GREB1L: variants seen among roughly 807,000 people sequenced by gnomAD.
The protein encoded by GREB1L is GREB1-like protein.
GREB1L carries 17 observed loss-of-function variants against 200.8 expected under a neutral mutation model. The ratio of observed to expected loss-of-function variants is 0.08; its 90% CI spans 0.06 to 0.13. The LOEUF is 0.13. GREB1L is among the 10% of genes least tolerant of loss of function. The pLI is 1.00. For synonymous variants in GREB1L, 789 were observed against 893.0 expected (o/e 0.88, Z 2.08); for missense variants, 1,657 against 2,367.7 (o/e 0.70, Z 6.23).
chr18:21,248,443 T>A (rs2037643045), intron 1 of GREB1L, among the ~76,000 whole-genome samples: 1 of 152,194 alleles, frequency 6.6e-6, no homozygotes, highest in African/African-American at 2.4e-5. Context: ...AGTTAAATAA[T>A]ATGGGTGAAC....
chr18:21,490,103 C>A lies in GREB1L; in HGVS notation c.2782C>A (p.Leu928Ile). 1 of 1,551,948 alleles carries A rather than the reference C, an allele frequency of 6.4e-7. No individual in the cohort carries two copies. The highest frequency in any genetic ancestry group is 8.7e-7 in the Non-Finnish European group (1 of 1,147,028). ...ALMALTTMASLRDHSTPETLS... is the reference protein window; with the variant it reads ...ALMALTTMASIRDHSTPETLS... ...GATGGCTCTCACCACCATGGCGTCA[C>A]TCCGCGACCACAGCACACCAGAAAC... Residue 928 changes from leucine to isoleucine, a missense_variant, in exon 19 of 33, where the codon CTC (leucine) becomes ATC (isoleucine). By Grantham distance (5) the Leu-to-Ile change is conservative. Around this residue, in one of 9 missense-constraint regions of GREB1L, gnomAD observed 82 missense variants for 95.9 expected, o/e 0.85. Coordinates refer to ENST00000424526, the MANE Select transcript of GREB1L (RefSeq NM_001142966.3).
At chr18:21,451,468 T>C (rs906116) in intron 13 of GREB1L, 34,921 of 177,054 alleles carry the variant, frequency 0.2, 4,963 homozygotes, top group East Asian at 0.41. Context: ...CTTCCTTCTT[T>C]CCTTCCTTCC....
intron 7 of GREB1L, among the ~76,000 whole-genome samples, chr18:21,418,750 C>T (rs1262146181): frequency 6.6e-6 from 1 of 152,172 alleles, no homozygotes; most frequent in African/African-American, 2.4e-5. Flanking sequence ...GTTTCGAGCT[C>T]CTGGCCTCAA....
intron 1 of GREB1L, among the ~76,000 whole-genome samples, chr18:21,326,714 A>G (rs2039027923): frequency 6.6e-6 from 1 of 152,238 alleles, no homozygotes. Flanking sequence ...CAATAACATG[A>G]GAATAAGACT....
chr18:21,496,845 G>A (rs1263763249), intron 21 of GREB1L, 147 bp downstream of exon 21: 17 of 823,084 alleles, frequency 2.1e-5, no homozygotes, highest in Admixed American at 1.2e-4. Flanking sequence ...CCAGCTCCAG[G>A]TGGGAGATGC....
chr18:21,452,285 T>G (rs1464657783), intron 14 of GREB1L, 68 bp downstream of exon 14: 3 of 1,459,642 alleles, frequency 2.1e-6, no homozygotes, highest in Non-Finnish European at 2.8e-6. Flanking sequence ...ACTAAGTCAT[T>G]CTAAGGGTTT....
At chr18:21,416,465 C>G (rs566068170) in intron 7 of GREB1L, among the ~76,000 whole-genome samples, 1 of 151,882 alleles carries the variant, frequency 6.6e-6, no homozygotes, top group African/African-American at 2.4e-5. Context: ...AAAACTACAC[C>G]GCGGATCACG....
chr18:21,445,925 A>G (rs1042612148), intron 11 of GREB1L, among the ~76,000 whole-genome samples: 10 of 152,228 alleles, frequency 6.6e-5, no homozygotes, highest in Non-Finnish European at 1.5e-4. Flanking sequence ...CAACTTCTAA[A>G]TGCACCCAGA....
chr18:21,464,309 C>T (rs192469216), intron 15 of GREB1L, among the ~76,000 whole-genome samples: 3 of 152,142 alleles, frequency 2.0e-5, no homozygotes, highest in Non-Finnish European at 4.4e-5. Context: ...GGGGGCGGAT[C>T]ATGAGGTCAA....
chr18:21,274,076 C>A (rs2038122603), intron 1 of GREB1L, among the ~76,000 whole-genome samples: 2 of 152,128 alleles, frequency 1.3e-5, no homozygotes, highest in Non-Finnish European at 2.9e-5. Context: ...ATATTTATTT[C>A]TTACAATTCT....
rs191225735 is a variant in GREB1L at position 21,319,830 on chromosome 18, T to C, written c.-119-46197T>C. ...AGGCAAAACCAATAATTTTTAGTTA[T>C]GAACATTGAGAATAGGTGTGCAAAC... is the stretch of plus-strand genomic sequence containing the variant. On this transcript the variant is annotated intron_variant, in intron 1 of 32. Transcript: ENST00000424526. 1.9e-3 allele frequency among the ~76,000 whole-genome samples: 293 copies of C among 152,292 alleles called. 2 individuals are homozygous for C. Among genetic ancestry groups the C allele is most frequent in the Admixed American group, 2.1e-3 (32 of 15,292 alleles).
intron 21 of GREB1L, among the ~76,000 whole-genome samples, chr18:21,497,215 G>A (rs556075440): frequency 1.3e-5 from 2 of 152,284 alleles, no homozygotes; most frequent in East Asian, 1.9e-4. Context: ...GCAGCCTGCC[G>A]GCCTCTGTCT....
chr18:21,476,693 C>A (rs1353369247), intron 16 of GREB1L, among the ~76,000 whole-genome samples: 1 of 151,926 alleles, frequency 6.6e-6, no homozygotes, highest in East Asian at 1.9e-4. Context: ...CTTAGCCTCC[C>A]GAGTAGCTAG....
At chr18:21,454,140 A>G (rs1432065336) in intron 14 of GREB1L, among the ~76,000 whole-genome samples, 1 of 152,160 alleles carries the variant, frequency 6.6e-6, no homozygotes. Flanking sequence ...TAAATAATAC[A>G]TTTGCAAAAC....
At chr18:21,453,563 C>T (rs537772587) in intron 14 of GREB1L, among the ~76,000 whole-genome samples, 9 of 152,238 alleles carry the variant, frequency 5.9e-5, no homozygotes, top group Admixed American at 1.3e-4. Context: ...TGTGCATGCA[C>T]GTATAAGAAA....
chr18:21,347,308 A>C (rs936558204), intron 1 of GREB1L, among the ~76,000 whole-genome samples: 7 of 151,636 alleles, frequency 4.6e-5, no homozygotes, highest in African/African-American at 1.7e-4. Flanking sequence ...AAACAAAAAA[A>C]CCAACAACAA....
At chr18:21,451,390 C>G (rs543866071) in intron 13 of GREB1L, 64 of 315,106 alleles carry the variant, frequency 2.0e-4, no homozygotes, top group Middle Eastern at 1.8e-3. Flanking sequence ...TGTTGAGTGA[C>G]CTTGGGCGAG....
intron 15 of GREB1L, among the ~76,000 whole-genome samples, chr18:21,468,342 A>G (rs1357351766): frequency 6.6e-6 from 1 of 152,194 alleles, no homozygotes; most frequent in East Asian, 1.9e-4. Flanking sequence ...AAGCCAGTCT[A>G]TAGAGACACA....
At position 21,523,656 on chromosome 18, in the gene GREB1L, C is replaced by G. The variant is rs776262315; in HGVS notation, c.*835C>G. The G allele has an allele frequency of 6.6e-6, 1 of 152,326 alleles. No homozygotes were observed. The highest frequency in any genetic ancestry group is 2.4e-5 in the African/African-American group (1 of 41,576). The allele number at this position is 152,326 out of a possible 1,614,324, so 9.4% of individuals were successfully genotyped here. ...CTTTCAGCAGGTAACCTGCACCCAC[C>G]GTTTGGTTGGAATTAAGCAGTTGGC... On this transcript the variant is annotated 3_prime_UTR_variant, in exon 33 of 33. Transcript: ENST00000424526.
Sources: gnomAD v4.1 joint callset for allele counts (sites outside exome capture counted in the v4.1 genomes callset) on GRCh38, gnomAD v4.1.1 for gene constraint, gnomAD v4.1.1 regional missense constraint, MANE v1.5 for transcripts, NCBI Gene and HGNC (gene_info 2026-07-23, HGNC 2026-07-21) for gene names.